RABGEF1: variants seen among roughly 807,000 people sequenced by gnomAD.
RABGEF1 encodes RAB guanine nucleotide exchange factor 1, also known as rab5 GDP/GTP exchange factor.
In RABGEF1, 26 loss-of-function variants were observed where a neutral mutation model predicts 57.3. That is an observed-to-expected ratio of 0.45 (90% CI 0.33 to 0.63). RABGEF1 has a LOEUF of 0.63. Among genes scored for constraint, RABGEF1 ranks in the 20% least tolerant of loss-of-function variants. The pLI is 0.02. For synonymous variants in RABGEF1, 185 were observed against 210.7 expected, an observed-to-expected ratio of 0.88 and a Z score of 1.06; for missense variants, 464 against 607.6, an observed-to-expected ratio of 0.76 and a Z score of 2.48.
In RABGEF1 at chr7:66,729,495, C is replaced by T. The variant is rs550322571; in HGVS notation, c.-814-10501C>T. On this transcript the variant is annotated intron_variant and NMD_transcript_variant, in intron 2 of 9. Transcript: ENST00000607882. ...TCCTCCTGCTCTCCATCCTCACCTC[C>T]ATCCTCACCTTCAACCTCACCTTTA... is the stretch of plus-strand genomic sequence containing the variant. Among the ~76,000 whole-genome samples, 5 of 152,346 alleles carry T rather than the reference C, an allele frequency of 3.3e-5. No homozygotes were observed. In the South Asian group the frequency reaches 1.0e-3, roughly 32 times the overall value.
At chr7:66,676,574 C>T in the RABGEF1 span, among the ~76,000 whole-genome samples, 1 of 152,200 alleles carries the variant, frequency 6.6e-6, no homozygotes, top group Non-Finnish European at 1.5e-5. Context: ...TGTATTCTCT[C>T]TCCCCCATTC....
chr7:66,672,934 A>G, the RABGEF1 span, among the ~76,000 whole-genome samples: 17,522 of 148,958 alleles, frequency 0.12, 1,205 homozygotes, highest in East Asian at 0.19. Context: ...CTGTTTGGGG[A>G]AGGAAAGTGC....
chr7:66,698,270 C>T (rs1562707892), intron 1 of RABGEF1, among the ~76,000 whole-genome samples: 1 of 152,228 alleles, frequency 6.6e-6, no homozygotes, highest in African/African-American at 2.4e-5. Flanking sequence ...CAGGCTAGGG[C>T]CATGCCCCTT....
At chr7:66,683,244 C>G (rs900261467) in intron 1 of RABGEF1, among the ~76,000 whole-genome samples, 3 of 152,114 alleles carry the variant, frequency 2.0e-5, no homozygotes, top group African/African-American at 7.2e-5. Context: ...TCCCAGAGTG[C>G]TGGGATTAGA....
chr7:66,686,072 A>C (rs1790579566), intron 1 of RABGEF1, among the ~76,000 whole-genome samples: 1 of 152,124 alleles, frequency 6.6e-6, no homozygotes, highest in African/African-American at 2.4e-5. Flanking sequence ...TAAGGCCAGG[A>C]GTTAGAGACC....
At chr7:66,715,330 T>C (rs1795263884) in intron 2 of RABGEF1, among the ~76,000 whole-genome samples, 2 of 152,290 alleles carry the variant, frequency 1.3e-5, no homozygotes, top group East Asian at 3.9e-4. Context: ...CGTGTCTCAT[T>C]ATGTTACCTA....
chr7:66,680,808 G>A (rs1789659994), upstream of RABGEF1, among the ~76,000 whole-genome samples: 1 of 152,074 alleles, frequency 6.6e-6, no homozygotes, highest in Non-Finnish European at 1.5e-5. Flanking sequence ...TTAGCCGGGT[G>A]CGGAGGCTCA....
At chr7:66,806,689 G>A (rs1291373780) in intron 8 of RABGEF1, among the ~76,000 whole-genome samples, 3 of 146,372 alleles carry the variant, frequency 2.0e-5, no homozygotes, top group South Asian at 4.3e-4. Flanking sequence ...TGTCATCCAG[G>A]CTGGAATGCA....
Position 66,774,448 on chromosome 7 carries a change from A to C in RABGEF1, c.180-779A>C, listed in dbSNP as rs552613365. On this transcript the variant is annotated intron_variant, in intron 2 of 8. Coordinates refer to ENST00000284957, the MANE Select transcript of RABGEF1 (RefSeq NM_014504.3). ...CAGAATAGTGGGCTCAGCAATCAAG[A>C]TTCCCTACCCTCTGGAGCCTTCCTG... 7.2e-5 allele frequency among the ~76,000 whole-genome samples: 11 copies of C among 152,276 alleles called. No individual in the cohort carries two copies. In the South Asian group the frequency reaches 2.1e-3, roughly 29 times the overall value.
At chr7:66,755,926 TG>T (rs897848057) in intron 1 of RABGEF1, 6 of 612,952 alleles carry the variant, frequency 9.8e-6, no homozygotes, top group African/African-American at 1.9e-5. Flanking sequence ...AATAATGTTT[TG>T]TTATATTTAA....
At chr7:66,687,549 T>C (rs1001978117) in intron 1 of RABGEF1, among the ~76,000 whole-genome samples, 1 of 151,162 alleles carries the variant, frequency 6.6e-6, no homozygotes, top group Non-Finnish European at 1.5e-5. Context: ...AGTGGTGGCA[T>C]GTTCCTGCAG....
intron 1 of RABGEF1, among the ~76,000 whole-genome samples, chr7:66,684,247 C>G (rs1262917711): frequency 6.6e-6 from 1 of 152,094 alleles, no homozygotes; most frequent in Non-Finnish European, 1.5e-5. Context: ...AGTTCAAGAC[C>G]AGCCTGACCA....
chr7:66,710,234 G>A (rs1312277975), intron 1 of RABGEF1, among the ~76,000 whole-genome samples: 2 of 152,112 alleles, frequency 1.3e-5, no homozygotes, highest in Admixed American at 6.6e-5. Flanking sequence ...TTATTGCTAA[G>A]TATTACCCCA....
At chr7:66,797,022 G>A (rs1053614537) in intron 5 of RABGEF1, 11 of 369,120 alleles carry the variant, frequency 3.0e-5, no homozygotes, top group Non-Finnish European at 5.7e-5. Context: ...ACTCTTGGCC[G>A]GGCATTCTGG....
chr7:66,753,933 C>T (rs191565532), intron 1 of RABGEF1, among the ~76,000 whole-genome samples: 147 of 150,028 alleles, frequency 9.8e-4, no homozygotes, highest in African/African-American at 3.3e-3. Flanking sequence ...TCTTGAACTC[C>T]TGACCTTGTG....
intron 2 of RABGEF1, among the ~76,000 whole-genome samples, chr7:66,774,781 C>A (rs376677557): frequency 6.6e-6 from 1 of 152,102 alleles, no homozygotes; most frequent in East Asian, 1.9e-4. Context: ...AAAAAAGGAT[C>A]CTATTTATCC....
intron 1 of RABGEF1, among the ~76,000 whole-genome samples, chr7:66,700,953 G>A (rs539136488): frequency 2.0e-5 from 3 of 152,234 alleles, no homozygotes; most frequent in Non-Finnish European, 4.4e-5. Flanking sequence ...GAGAGCCATT[G>A]TGAGTCAGTT....
At chr7:66,796,061 C>T (rs772170768) in intron 5 of RABGEF1, among the ~76,000 whole-genome samples, 1 of 152,128 alleles carries the variant, frequency 6.6e-6, no homozygotes, top group Non-Finnish European at 1.5e-5. Context: ...TGCTTGAACC[C>T]GGAAGGCGGA....
chr7:66,704,161 A>G (rs941201736), intron 1 of RABGEF1, among the ~76,000 whole-genome samples: 1 of 152,230 alleles, frequency 6.6e-6, no homozygotes, highest in Admixed American at 6.5e-5. Context: ...CACTGGGGGC[A>G]CAAACTGTCA....
Sources: gnomAD v4.1 joint callset for allele counts (sites outside exome capture counted in the v4.1 genomes callset) on GRCh38, gnomAD v4.1.1 for gene constraint, MANE v1.5 for transcripts, NCBI Gene and HGNC (gene_info 2026-07-23, HGNC 2026-07-21) for gene names.